Variants in ZFHX3 observed in about 807,000 individuals in gnomAD.
The protein encoded by ZFHX3 is zinc finger homeobox 3, also known as zinc finger homeobox protein 3.
A neutral mutation model predicts 279.1 loss-of-function variants in ZFHX3; 42 were observed. The ratio of observed to expected loss-of-function variants is 0.15; its 90% CI spans 0.12 to 0.19. The LOEUF is 0.19. Ranked by LOEUF, ZFHX3 falls within the 10% of genes least tolerant of loss-of-function variation. ZFHX3 has a pLI of 1.00. For missense variants in ZFHX3, 4,981 were observed against 4,754.0 expected (o/e 1.05, Z -1.40); for synonymous variants, 2,293 against 1,957.8 (o/e 1.17, Z -4.52).
At chr16:73,463,082 A>G (rs2018499821) in intron 2 of ZFHX3, among the ~76,000 whole-genome samples, 1 of 152,190 alleles carries the variant, frequency 6.6e-6, no homozygotes, top group Non-Finnish European at 1.5e-5. Context: ...TCCCACAATT[A>G]TGCAAGGTCT....
At chr16:73,523,504 C>T (rs1017227147) in intron 2 of ZFHX3, among the ~76,000 whole-genome samples, 4 of 152,092 alleles carry the variant, frequency 2.6e-5, no homozygotes, top group Admixed American at 1.3e-4. Context: ...GTATGCTTTA[C>T]ACCCAGTGGC....
intron 1 of ZFHX3, among the ~76,000 whole-genome samples, chr16:73,730,413 C>A (rs915460108): frequency 2.8e-4 from 37 of 133,530 alleles, no homozygotes; most frequent in South Asian, 7.5e-4. Context: ...AAAGAAAAGA[C>A]AAGAAAGAAA....
chr16:72,903,858 G>C (rs1365952009), intron 3 of ZFHX3, among the ~76,000 whole-genome samples: 2 of 152,268 alleles, frequency 1.3e-5, no homozygotes, highest in Non-Finnish European at 2.9e-5. Flanking sequence ...ACTATGCAGA[G>C]ACCCAGCTCA....
intron 4 of ZFHX3, among the ~76,000 whole-genome samples, chr16:72,833,955 A>C (rs2143745083): frequency 6.6e-6 from 1 of 152,098 alleles, no homozygotes; most frequent in Middle Eastern, 3.4e-3. Flanking sequence ...GCCTTTAAAA[A>C]ACCTCTTTGG....
intron 2 of ZFHX3, among the ~76,000 whole-genome samples, chr16:73,500,484 T>C (rs1436621490): frequency 6.6e-6 from 1 of 151,778 alleles, no homozygotes; most frequent in Non-Finnish European, 1.5e-5. Flanking sequence ...CATGCCACCA[T>C]GCCTGGCTAA....
intron 5 of ZFHX3, among the ~76,000 whole-genome samples, chr16:73,245,419 A>G (rs74249782): frequency 0.12 from 18,923 of 152,104 alleles, 1,748 homozygotes; most frequent in East Asian, 0.46. Flanking sequence ...ACAGGCATGA[A>G]CCACTGCATG....
At chr16:73,132,433 G>A (rs1255292331) in intron 6 of ZFHX3, among the ~76,000 whole-genome samples, 4 of 152,144 alleles carry the variant, frequency 2.6e-5, no homozygotes, top group African/African-American at 9.7e-5. Flanking sequence ...AGGAGACTGG[G>A]AGCCTCGTGG....
intron 4 of ZFHX3, 21 bp from the exon 5 acceptor site, chr16:72,829,880 G>A (rs747510801): frequency 1.2e-6 from 2 of 1,613,780 alleles, no homozygotes; most frequent in South Asian, 2.2e-5. Flanking sequence ...AGAAAAACAT[G>A]TCAAGGGTTA....
At chr16:73,468,805 G>C (rs1033940943) in intron 2 of ZFHX3, among the ~76,000 whole-genome samples, 1 of 152,194 alleles carries the variant, frequency 6.6e-6, no homozygotes, top group East Asian at 1.9e-4. Context: ...AGTCAGGAGA[G>C]TGTCTCCCTA....
At chr16:73,183,519 T>C (rs939257386) in intron 5 of ZFHX3, among the ~76,000 whole-genome samples, 2 of 152,202 alleles carry the variant, frequency 1.3e-5, no homozygotes, top group African/African-American at 4.8e-5. Flanking sequence ...GTCCATCCAA[T>C]GTTCCCTGTC....
chr16:73,144,518 G>A (rs562901731), intron 5 of ZFHX3: 12 of 152,334 alleles, frequency 7.9e-5, no homozygotes, highest in African/African-American at 2.9e-4. Flanking sequence ...GTGAGCTAAT[G>A]TTTTTATTGA....
chr16:73,414,491 A>C (rs1862762), intron 3 of ZFHX3, among the ~76,000 whole-genome samples: 3,376 of 152,344 alleles, frequency 0.022, 117 homozygotes, highest in African/African-American at 0.076. Flanking sequence ...TTTCCCTGTG[A>C]TTCTCCAACT....
intron 1 of ZFHX3, among the ~76,000 whole-genome samples, chr16:73,787,500 T>C (rs1010655500): frequency 6.6e-6 from 1 of 152,212 alleles, no homozygotes. Flanking sequence ...CTGTGGCTCC[T>C]GGTTGCATCC....
At chr16:72,981,289 A>G (rs896992595) in intron 1 of ZFHX3, among the ~76,000 whole-genome samples, 8 of 152,086 alleles carry the variant, frequency 5.3e-5, no homozygotes, top group Non-Finnish European at 1.2e-4. Flanking sequence ...GACAGCCTTT[A>G]TAAGTGGTAG....
At chr16:73,548,381 A>T (rs1286545494) in intron 2 of ZFHX3, among the ~76,000 whole-genome samples, 1 of 152,188 alleles carries the variant, frequency 6.6e-6, no homozygotes, top group South Asian at 2.1e-4. Context: ...ACTAAATTCA[A>T]AAAAGACCTT....
intron 4 of ZFHX3, among the ~76,000 whole-genome samples, chr16:72,880,780 CA>C (rs1218440557): frequency 6.6e-6 from 1 of 152,108 alleles, no homozygotes; most frequent in African/African-American, 2.4e-5. Flanking sequence ...AACATATACA[CA>C]AAAGGTCTCA....
At chr16:72,815,402 T>A (rs2036577043) in intron 5 of ZFHX3, among the ~76,000 whole-genome samples, 1 of 140,094 alleles carries the variant, frequency 7.1e-6, no homozygotes, top group African/African-American at 2.8e-5. Context: ...AGTGAGACTG[T>A]CTCAAAAAAA....
At chr16:73,122,374 T>A (rs1028872523) in intron 7 of ZFHX3, among the ~76,000 whole-genome samples, 3 of 145,192 alleles carry the variant, frequency 2.1e-5, no homozygotes, top group African/African-American at 7.5e-5. Flanking sequence ...ATTTTTGTAT[T>A]TTTTTTTTTT....
chr16:73,219,093 G>A (rs998273336), intron 5 of ZFHX3, among the ~76,000 whole-genome samples: 5 of 152,114 alleles, frequency 3.3e-5, no homozygotes, highest in Non-Finnish European at 5.9e-5. Context: ...ATGTCTTCAA[G>A]GTTCATTCGT....
Sources: allele counts gnomAD v4.1 joint callset (sites outside exome capture counted in the v4.1 genomes callset), GRCh38; gene constraint gnomAD v4.1.1; transcripts MANE v1.5; gene names NCBI Gene and HGNC (gene_info 2026-07-23, HGNC 2026-07-21).